CBFA2T2: variants seen among roughly 807,000 people sequenced by gnomAD.
The protein encoded by CBFA2T2 is CBFA2/RUNX1 partner transcriptional co-repressor 2, also known as protein CBFA2T2.
A neutral mutation model predicts 62.2 loss-of-function variants in CBFA2T2; 11 were observed. The ratio of observed to expected loss-of-function variants is 0.18; its 90% CI spans 0.11 to 0.29. CBFA2T2 has a LOEUF of 0.29. Ranked by LOEUF, CBFA2T2 falls within the 10% of genes least tolerant of loss-of-function variation. CBFA2T2 has a pLI of 1.00. For synonymous variants in CBFA2T2, 295 were observed against 287.5 expected (o/e 1.03, Z -0.27); for missense variants, 592 against 774.1 (o/e 0.76, Z 2.79).
intron 1 of CBFA2T2, among the ~76,000 whole-genome samples, chr20:33,495,073 G>A (rs532732168): frequency 6.6e-6 from 1 of 152,058 alleles, no homozygotes; most frequent in Non-Finnish European, 1.5e-5. Context: ...TAGGTCTATT[G>A]CTCTGATGAA....
intron 3 of CBFA2T2, among the ~76,000 whole-genome samples, chr20:33,617,911 A>T (rs1374334915): frequency 1.3e-5 from 2 of 152,208 alleles, no homozygotes; most frequent in African/African-American, 4.8e-5. Context: ...ATCCAACATA[A>T]TTGCACACTC....
intron 9 of CBFA2T2, among the ~76,000 whole-genome samples, chr20:33,638,563 C>CT (rs34153009): frequency 1.3e-5 from 2 of 152,132 alleles, no homozygotes; most frequent in South Asian, 2.1e-4. Context: ...TTCTTGGCCT[C>CT]TGGGGTGAAG....
chr20:33,625,549 G>A (rs1174830874), intron 6 of CBFA2T2, among the ~76,000 whole-genome samples: 1 of 152,256 alleles, frequency 6.6e-6, no homozygotes, highest in Non-Finnish European at 1.5e-5. Context: ...AAAAGCAAAG[G>A]AGGTAAAATG....
At chr20:33,545,730 G>A (rs2012546853) in intron 1 of CBFA2T2, among the ~76,000 whole-genome samples, 1 of 152,208 alleles carries the variant, frequency 6.6e-6, no homozygotes, top group Non-Finnish European at 1.5e-5. Context: ...TTACAGGCGT[G>A]AGCCAACATA....
chr20:33,527,151 CTTAA>C (rs1393269425), intron 1 of CBFA2T2, among the ~76,000 whole-genome samples: 4 of 152,066 alleles, frequency 2.6e-5, no homozygotes, highest in East Asian at 1.9e-4. Flanking sequence ...TTCTTAATCT[CTTAA>C]TTATAGTTTT....
intron 3 of CBFA2T2, among the ~76,000 whole-genome samples, chr20:33,612,516 G>T (rs2015566858): frequency 6.6e-6 from 1 of 152,070 alleles, no homozygotes; most frequent in Non-Finnish European, 1.5e-5. Flanking sequence ...AAAGTAGAGA[G>T]AATACAACTG....
At chr20:33,578,333 G>T (rs1487283242) in intron 1 of CBFA2T2, among the ~76,000 whole-genome samples, 1 of 152,132 alleles carries the variant, frequency 6.6e-6, no homozygotes, top group East Asian at 1.9e-4. Context: ...GAGTTGAGAA[G>T]TTAAGGCTGT....
intron 1 of CBFA2T2, among the ~76,000 whole-genome samples, chr20:33,503,285 C>A (rs532226393): frequency 6.0e-4 from 72 of 120,644 alleles, no homozygotes; most frequent in African/African-American, 1.5e-3. Context: ...GATGGAGTCT[C>A]GCCCAGTCGC....
At chr20:33,580,844 C>T (rs1188651715) in intron 1 of CBFA2T2, among the ~76,000 whole-genome samples, 1 of 152,032 alleles carries the variant, frequency 6.6e-6, no homozygotes, top group African/African-American at 2.4e-5. Flanking sequence ...ATGGAATGAG[C>T]CCCTGTCTTT....
chr20:33,492,847 C>T (rs1000544970), intron 1 of CBFA2T2, among the ~76,000 whole-genome samples: 2 of 151,990 alleles, frequency 1.3e-5, no homozygotes, highest in Non-Finnish European at 2.9e-5. Flanking sequence ...GTATTACATT[C>T]CTAGACAGTA....
chr20:33,593,192 C>A (rs1057060729), intron 1 of CBFA2T2, among the ~76,000 whole-genome samples: 13 of 151,854 alleles, frequency 8.6e-5, no homozygotes, highest in South Asian at 2.1e-4. Flanking sequence ...ATTAGCTGAG[C>A]TTGGTGGCAT....
intron 1 of CBFA2T2, among the ~76,000 whole-genome samples, chr20:33,512,616 G>A (rs922652727): frequency 6.6e-6 from 1 of 152,050 alleles, no homozygotes; most frequent in Admixed American, 6.6e-5. Context: ...TCTGTCTAGG[G>A]TTTTGCCACA....
intron 1 of CBFA2T2, among the ~76,000 whole-genome samples, chr20:33,558,823 T>TG (rs141381907): frequency 0.024 from 3,608 of 150,844 alleles, 207 homozygotes; most frequent in Admixed American, 0.14. Context: ...GCCAACTGTT[T>TG]GGGGGGGCGG....
At chr20:33,546,426 C>CTT (rs151217037) in intron 1 of CBFA2T2, among the ~76,000 whole-genome samples, 8 of 136,198 alleles carry the variant, frequency 5.9e-5, no homozygotes, top group South Asian at 4.6e-4. Context: ...TCTGGATATA[C>CTT]TTTTTTTTTT....
chr20:33,514,467 G>A (rs1296110153), intron 1 of CBFA2T2, among the ~76,000 whole-genome samples: 1 of 151,710 alleles, frequency 6.6e-6, no homozygotes, highest in Non-Finnish European at 1.5e-5. Context: ...TTGAGGCCCT[G>A]AGGTAGGAAC....
intron 3 of CBFA2T2, among the ~76,000 whole-genome samples, chr20:33,614,029 A>G (rs1241313844): frequency 2.6e-5 from 4 of 152,002 alleles, no homozygotes; most frequent in South Asian, 2.1e-4. Flanking sequence ...CTAAAAATAC[A>G]AAAAATTAGC....
At position 33,649,885 on chromosome 20, in the gene CBFA2T2, G is replaced by A. The variant is rs1035811854; in HGVS notation, c.*5239G>A. ...GAATGCATTAGAATCTGGTTTTTCT[G>A]TGCTTTGTCATTTTACTCTGATAGG... On this transcript the variant is annotated 3_prime_UTR_variant, in exon 11 of 11. Coordinates refer to ENST00000342704, the MANE Select transcript of CBFA2T2 (RefSeq NM_001032999.3). 1 of 152,644 alleles carries A rather than the reference G, an allele frequency of 6.6e-6. No homozygotes were observed. Among genetic ancestry groups the A allele is most frequent in the Non-Finnish European group, 1.5e-5 (1 of 68,050 alleles). The allele number at this position is 152,644 out of a possible 1,614,324, so 9.5% of individuals were successfully genotyped here.
At chr20:33,611,010 A>T in intron 2 of CBFA2T2, 84 bp from the exon 3 acceptor site, 1 of 1,555,662 alleles carries the variant, frequency 6.4e-7, no homozygotes, top group Admixed American at 1.8e-5. Context: ...CAAATGAACA[A>T]ACGAAAATAC....
intron 3 of CBFA2T2, among the ~76,000 whole-genome samples, chr20:33,616,080 GAT>G (rs1190188243): frequency 8.8e-5 from 6 of 68,374 alleles, no homozygotes; most frequent in African/African-American, 2.7e-4. Context: ...TGTAGATAGA[GAT>G]AGATAGATAG....
Sources: gnomAD v4.1 joint callset for allele counts (sites outside exome capture counted in the v4.1 genomes callset) on GRCh38, gnomAD v4.1.1 for gene constraint, MANE v1.5 for transcripts, NCBI Gene and HGNC (gene_info 2026-07-23, HGNC 2026-07-21) for gene names.